MGST1: variants seen among roughly 807,000 people sequenced by gnomAD.
MGST1 encodes the protein microsomal glutathione S-transferase 1, also known as glutathione S-transferase 12.
A neutral mutation model predicts 8.9 loss-of-function variants in MGST1; 5 were observed. The observed-to-expected ratio is 0.56, with a 90% CI of 0.29 to 1.19. The LOEUF (loss-of-function observed/expected upper bound fraction) is 1.19. MGST1 is among the 50% of genes most tolerant of loss of function. The pLI is 0.08. For synonymous variants in MGST1, 54 were observed against 67.8 expected, an observed-to-expected ratio of 0.80 and a Z score of 1.00; for missense variants, 182 against 187.4, an observed-to-expected ratio of 0.97 and a Z score of 0.17.
chr12:16,453,533 T>C (rs533228078), intron 4 of MGST1, among the ~76,000 whole-genome samples: 39 of 152,096 alleles, frequency 2.6e-4, no homozygotes, highest in African/African-American at 9.1e-4. Flanking sequence ...TAGTTAATTA[T>C]GAAATAAGGT....
intron 4 of MGST1, among the ~76,000 whole-genome samples, chr12:16,510,834 T>A (rs1300527581): frequency 6.6e-6 from 1 of 152,184 alleles, no homozygotes; most frequent in Admixed American, 6.5e-5. Flanking sequence ...GGCTATAGAA[T>A]AATTTAGAAG....
intron 4 of MGST1, among the ~76,000 whole-genome samples, chr12:16,452,117 C>G (rs1408213741): frequency 1.3e-5 from 2 of 151,862 alleles, no homozygotes; most frequent in South Asian, 2.1e-4. Context: ...AATGGCAGGT[C>G]TGACAGAGGA....
At chr12:16,477,763 T>C (rs926439314) in intron 4 of MGST1, among the ~76,000 whole-genome samples, 6 of 152,210 alleles carry the variant, frequency 3.9e-5, no homozygotes, top group African/African-American at 1.4e-4. Flanking sequence ...GGTTAGATCA[T>C]GCATCATTTT....
chr12:16,510,726 C>T (rs1358137495), intron 4 of MGST1, among the ~76,000 whole-genome samples: 1 of 152,148 alleles, frequency 6.6e-6, no homozygotes, highest in African/African-American at 2.4e-5. Flanking sequence ...TACAGGCAAA[C>T]AATGACATTT....
chr12:16,568,523 T>C (rs1347068426), intron 4 of MGST1, among the ~76,000 whole-genome samples: 1 of 152,164 alleles, frequency 6.6e-6, no homozygotes, highest in Non-Finnish European at 1.5e-5. Context: ...TAATGACTAC[T>C]TGACATGTAG....
At chr12:16,572,339 C>CTTTTTTTTT (rs59773866) in intron 4 of MGST1, among the ~76,000 whole-genome samples, 23 of 89,528 alleles carry the variant, frequency 2.6e-4, no homozygotes, top group East Asian at 1.1e-3. Context: ...GGTCCAAACT[C>CTTTTTTTTT]TTTTTTTTTT....
At chr12:16,431,490 G>T (rs1266262610) in intron 1 of MGST1, among the ~76,000 whole-genome samples, 3 of 151,456 alleles carry the variant, frequency 2.0e-5, no homozygotes, top group African/African-American at 7.3e-5. Context: ...AGAGGCCATT[G>T]TAAGTTCATT....
chr12:16,570,231 G>GT (rs1426906013), intron 4 of MGST1, among the ~76,000 whole-genome samples: 2 of 152,052 alleles, frequency 1.3e-5, no homozygotes, highest in African/African-American at 2.4e-5. Context: ...AACTTTTTAT[G>GT]TAAGTAATAC....
chr12:16,443,658 T>C (rs576243569), downstream of MGST1, among the ~76,000 whole-genome samples: 3 of 151,922 alleles, frequency 2.0e-5, no homozygotes, highest in Non-Finnish European at 4.4e-5. Flanking sequence ...CATTTTACTA[T>C]TATTTCATGC....
chr12:16,494,176 CA>C lies in MGST1; in HGVS notation n.483-95345del, dbSNP rs553267650. Among the ~76,000 whole-genome samples, 491 of 152,008 alleles carry C rather than the reference CA, an allele frequency of 3.2e-3. 3 individuals are homozygous for C. Among genetic ancestry groups the C allele is most frequent in the African/African-American group, 0.012 (479 of 41,498 alleles). On this transcript the variant is annotated intron_variant and non_coding_transcript_variant, in intron 4 of 4. Coordinates refer to the MGST1 transcript ENST00000538857. ...TTCTGAGAAGTATTGCATCCTTGAT[CA>C]AAAAAATTAAATAAAACAAAAACCA...
intron 4 of MGST1, among the ~76,000 whole-genome samples, chr12:16,455,673 T>C (rs902720502): frequency 2.6e-5 from 4 of 151,850 alleles, no homozygotes; most frequent in Non-Finnish European, 5.9e-5. Flanking sequence ...AGGCAACTTT[T>C]TGTGAGAAAT....
intron 4 of MGST1, among the ~76,000 whole-genome samples, chr12:16,474,992 C>T (rs1397598995): frequency 6.6e-6 from 1 of 152,146 alleles, no homozygotes; most frequent in Non-Finnish European, 1.5e-5. Flanking sequence ...TAGGCTAATG[C>T]ACCATGTGAA....
intron 1 of MGST1, among the ~76,000 whole-genome samples, chr12:16,384,817 G>A (rs755243577): frequency 5.9e-5 from 9 of 152,340 alleles, no homozygotes; most frequent in East Asian, 1.9e-4. Flanking sequence ...ATCTCTTGAC[G>A]TACTTTTGTA....
chr12:16,402,539 T>A, intron 1 of MGST1: 1 of 820,244 alleles, frequency 1.2e-6, no homozygotes, highest in Non-Finnish European at 2.0e-6. Context: ...AATAAGCTAC[T>A]AACACTTCTT....
chr12:16,448,181 G>T (rs1941097515), intron 4 of MGST1, among the ~76,000 whole-genome samples: 1 of 151,808 alleles, frequency 6.6e-6, no homozygotes, highest in African/African-American at 2.4e-5. Context: ...AAGACAGAAA[G>T]AAGAAACATA....
chr12:16,472,781 G>A (rs1195130690), intron 4 of MGST1, among the ~76,000 whole-genome samples: 1 of 152,124 alleles, frequency 6.6e-6, no homozygotes, highest in Non-Finnish European at 1.5e-5. Flanking sequence ...GTAAGCAGTT[G>A]AAAATGATTT....
intron 4 of MGST1, chr12:16,549,745 C>A (rs965817676): frequency 4.6e-5 from 7 of 152,020 alleles, no homozygotes; most frequent in Non-Finnish European, 1.0e-4. Context: ...TTACAGGGAG[C>A]AAAAGCAAAG....
intron 1 of MGST1, among the ~76,000 whole-genome samples, chr12:16,433,483 T>C (rs578187702): frequency 1.3e-5 from 2 of 152,142 alleles, no homozygotes; most frequent in East Asian, 3.9e-4. Context: ...GGGCTGAAGG[T>C]AGGAAAAAGC....
intron 1 of MGST1, among the ~76,000 whole-genome samples, chr12:16,412,319 A>C (rs1940749065): frequency 1.3e-5 from 2 of 152,134 alleles, no homozygotes; most frequent in African/African-American, 4.8e-5. Flanking sequence ...TAGATAGTCT[A>C]ACTGCTCCAA....
Sources: allele counts gnomAD v4.1 joint callset (sites outside exome capture counted in the v4.1 genomes callset), GRCh38; gene constraint gnomAD v4.1.1; transcripts MANE v1.5; gene names NCBI Gene and HGNC (gene_info 2026-07-23, HGNC 2026-07-21).